Variants in SPOCK3 observed in about 807,000 individuals in gnomAD.
The protein encoded by SPOCK3 is testican-3.
In SPOCK3, 30 loss-of-function variants were observed where a neutral mutation model predicts 56.6. The observed-to-expected ratio is 0.53, with a 90% CI of 0.40 to 0.72. The LOEUF is 0.72. Among genes scored for constraint, SPOCK3 ranks in the 30% least tolerant of loss-of-function variants. The pLI, the probability that SPOCK3 is intolerant of heterozygous loss-of-function variation, is 0.00. For synonymous variants in SPOCK3, 196 were observed against 183.3 expected (o/e 1.07, Z -0.56); for missense variants, 527 against 530.0 (o/e 0.99, Z 0.06).
intron 3 of SPOCK3, among the ~76,000 whole-genome samples, chr4:167,054,771 G>A (rs936140278): frequency 2.6e-5 from 4 of 152,118 alleles, no homozygotes; most frequent in Non-Finnish European, 4.4e-5. Context: ...TGAAAAATAT[G>A]TCATAGTTAA....
chr4:166,883,484 T>G (rs1252779257), intron 6 of SPOCK3, among the ~76,000 whole-genome samples: 1 of 152,226 alleles, frequency 6.6e-6, no homozygotes, highest in Non-Finnish European at 1.5e-5. Flanking sequence ...GCTATCTTTT[T>G]GTTTATGTTG....
intron 6 of SPOCK3, among the ~76,000 whole-genome samples, chr4:166,813,686 T>C (rs1373294656): frequency 2.6e-5 from 4 of 151,870 alleles, no homozygotes; most frequent in Non-Finnish European, 5.9e-5. Context: ...ATATTGCATA[T>C]AGAGGAGTCT....
At chr4:166,781,852 G>A (rs556149739) in intron 7 of SPOCK3, among the ~76,000 whole-genome samples, 3 of 152,026 alleles carry the variant, frequency 2.0e-5, no homozygotes, top group South Asian at 4.2e-4. Flanking sequence ...CAGAAACAGC[G>A]GCATGACAGG....
intron 6 of SPOCK3, among the ~76,000 whole-genome samples, chr4:166,832,991 A>C (rs1746241828): frequency 6.6e-6 from 1 of 152,166 alleles, no homozygotes; most frequent in South Asian, 2.1e-4. Context: ...ATTGTACCAA[A>C]TACCTCAGCA....
chr4:167,017,284 GA>G (rs1470307246), intron 3 of SPOCK3, among the ~76,000 whole-genome samples: 5 of 152,186 alleles, frequency 3.3e-5, no homozygotes, highest in African/African-American at 1.2e-4. Context: ...ACCGTCCTGG[GA>G]CAGTCTCAGA....
chr4:166,973,435 A>T (rs1221467580), intron 4 of SPOCK3, among the ~76,000 whole-genome samples: 2 of 152,210 alleles, frequency 1.3e-5, no homozygotes, highest in Non-Finnish European at 2.9e-5. Context: ...ATAATAGCAC[A>T]GTGCAGAGTA....
intron 4 of SPOCK3, among the ~76,000 whole-genome samples, chr4:166,975,446 A>G (rs1745843187): frequency 6.6e-6 from 1 of 152,174 alleles, no homozygotes; most frequent in Admixed American, 6.5e-5. Context: ...ATGTGCACTA[A>G]TCACATCAGG....
intron 2 of SPOCK3, among the ~76,000 whole-genome samples, chr4:167,076,774 C>A: frequency 6.6e-6 from 1 of 150,644 alleles, no homozygotes; most frequent in Admixed American, 6.6e-5. Flanking sequence ...TTGCATTAGC[C>A]AATATAATAG....
chr4:166,806,500 A>G (rs1551490), intron 6 of SPOCK3, among the ~76,000 whole-genome samples: 1 of 152,034 alleles, frequency 6.6e-6, no homozygotes, highest in Non-Finnish European at 1.5e-5. Context: ...ATGGCAACAT[A>G]TAATATAGGT....
At chr4:166,919,130 C>A (rs145036581) in intron 4 of SPOCK3, among the ~76,000 whole-genome samples, 159 of 152,170 alleles carry the variant, frequency 1.0e-3, no homozygotes, top group African/African-American at 3.7e-3. Flanking sequence ...TCCTTTATAG[C>A]AACATAAACT....
At chr4:166,950,099 T>C (rs1189065848) in intron 4 of SPOCK3, among the ~76,000 whole-genome samples, 1 of 150,966 alleles carries the variant, frequency 6.6e-6, no homozygotes, top group East Asian at 1.9e-4. Context: ...TAATTTTAAA[T>C]GTAAATGGAC....
chr4:166,841,078 C>T (rs1269748347), intron 6 of SPOCK3, among the ~76,000 whole-genome samples: 6 of 151,154 alleles, frequency 4.0e-5, no homozygotes, highest in African/African-American at 7.4e-5. Context: ...ACGCCCGGCC[C>T]GCAGAAGTTT....
At chr4:166,805,372 G>C (rs1212221858) in intron 6 of SPOCK3, among the ~76,000 whole-genome samples, 1 of 151,942 alleles carries the variant, frequency 6.6e-6, no homozygotes, top group Admixed American at 6.6e-5. Context: ...AACAAACATT[G>C]CATTCTAGTG....
intron 4 of SPOCK3, among the ~76,000 whole-genome samples, chr4:166,950,278 T>C (rs936975111): frequency 0.012 from 1,745 of 151,136 alleles, 39 homozygotes; most frequent in African/African-American, 0.041. Flanking sequence ...AAGGCAGGGG[T>C]TGCAATCCTA....
At chr4:167,197,265 T>C (rs182514781) in intron 2 of SPOCK3, among the ~76,000 whole-genome samples, 1 of 152,280 alleles carries the variant, frequency 6.6e-6, no homozygotes, top group African/African-American at 2.4e-5. Flanking sequence ...TCTACCTAAA[T>C]GCAGAATTGT....
intron 4 of SPOCK3, among the ~76,000 whole-genome samples, chr4:166,931,262 G>T (rs960267031): frequency 3.6e-4 from 55 of 151,370 alleles, no homozygotes; most frequent in African/African-American, 1.2e-3. Flanking sequence ...GATTTCAGGC[G>T]TGAGCCACCG....
At chr4:166,821,007 G>T (rs895538580) in intron 6 of SPOCK3, among the ~76,000 whole-genome samples, 3 of 151,886 alleles carry the variant, frequency 2.0e-5, no homozygotes, top group African/African-American at 7.3e-5. Flanking sequence ...ATGTGAAAAG[G>T]TAGGTCACAG....
At chr4:166,866,132 C>G (rs538904533) in intron 6 of SPOCK3, among the ~76,000 whole-genome samples, 1 of 152,230 alleles carries the variant, frequency 6.6e-6, no homozygotes, top group South Asian at 2.1e-4. Flanking sequence ...CACCACACAT[C>G]TACAACCATC....
At chr4:166,917,831 T>C (rs1332656811) in intron 4 of SPOCK3, among the ~76,000 whole-genome samples, 1 of 152,098 alleles carries the variant, frequency 6.6e-6, no homozygotes, top group African/African-American at 2.4e-5. Context: ...TATTACCCAG[T>C]CTCAGGCATT....
Sources: gnomAD v4.1 joint callset for allele counts (sites outside exome capture counted in the v4.1 genomes callset) on GRCh38, gnomAD v4.1.1 for gene constraint, MANE v1.5 for transcripts, NCBI Gene and HGNC (gene_info 2026-07-23, HGNC 2026-07-21) for gene names.